The following INPP4B variants were observed in gnomAD, a reference collection of about 807,000 sequenced individuals.
INPP4B encodes inositol polyphosphate-4-phosphatase type II B.
A neutral mutation model predicts 122.5 loss-of-function variants in INPP4B; 55 were observed. The ratio of observed to expected loss-of-function variants is 0.45; its 90% CI spans 0.36 to 0.56. The LOEUF is 0.56. Among genes scored for constraint, INPP4B ranks in the 20% least tolerant of loss-of-function variants. INPP4B has a pLI of 0.00. For missense variants in INPP4B, 1,000 were observed against 1,097.7 expected (o/e 0.91, Z 1.26); for synonymous variants, 403 against 388.7 (o/e 1.04, Z -0.43).
chr4:142,106,614 C>T (rs554842427), intron 23 of INPP4B, among the ~76,000 whole-genome samples: 1 of 152,156 alleles, frequency 6.6e-6, no homozygotes, highest in Non-Finnish European at 1.5e-5. Context: ...AAGTATAGCA[C>T]TGAAAGTCCT....
chr4:142,074,447 G>A (rs1247053907), intron 25 of INPP4B, among the ~76,000 whole-genome samples: 2 of 152,118 alleles, frequency 1.3e-5, no homozygotes, highest in Non-Finnish European at 2.9e-5. Flanking sequence ...ACATGTGCAT[G>A]CCTTGTGGCT....
At chr4:142,779,244 A>T (rs1408870344) in intron 1 of INPP4B, among the ~76,000 whole-genome samples, 2 of 152,034 alleles carry the variant, frequency 1.3e-5, no homozygotes. Context: ...TATTAAATAT[A>T]TATCTTAGAT....
chr4:142,105,729 C>T (rs1436646417), intron 23 of INPP4B, among the ~76,000 whole-genome samples: 4 of 152,140 alleles, frequency 2.6e-5, no homozygotes, highest in African/African-American at 9.7e-5. Context: ...ATAGTCAGCA[C>T]ATCCATAATG....
At chr4:142,687,522 C>A (rs1759514823) in intron 2 of INPP4B, among the ~76,000 whole-genome samples, 2 of 140,554 alleles carry the variant, frequency 1.4e-5, no homozygotes, top group South Asian at 2.2e-4. Context: ...ATAGTGAGGC[C>A]ACTAATTTTT....
At chr4:142,236,657 C>T (rs1856816764) in intron 12 of INPP4B, among the ~76,000 whole-genome samples, 1 of 152,006 alleles carries the variant, frequency 6.6e-6, no homozygotes, top group African/African-American at 2.4e-5. Context: ...GTCTAATTTC[C>T]CTGAAATTGG....
chr4:142,612,184 C>T (rs28758601), intron 2 of INPP4B, among the ~76,000 whole-genome samples: 17,483 of 152,104 alleles, frequency 0.11, 1,065 homozygotes, highest in African/African-American at 0.15. Context: ...TAGGAATAGC[C>T]AAGGAGTTGG....
rs1729763083 is a variant in INPP4B, at chr4:142,558,733, T to C, written c.-190-96007A>G. ...TTAAAGGAAGCCTCAATTCAGAGCT[T>C]GCAGTGAGCAGAGATCACGCCATTG... On this transcript the variant is annotated intron_variant, in intron 2 of 25. Coordinates refer to ENST00000262992, the MANE Select transcript of INPP4B (RefSeq NM_001101669.3). 3.0e-5 allele frequency among the ~76,000 whole-genome samples: 4 copies of C among 133,882 alleles called. No individual in the cohort carries two copies. The South Asian group carries it at 9.7e-4, about 32-fold the overall frequency. The allele number at this position is 133,882 out of a possible 152,430, so 87.8% of individuals were successfully genotyped here. A position where few individuals can be genotyped will look rare whatever the true frequency, so the allele number is the denominator to read the frequency against.
chr4:142,305,575 G>A (rs761437608), intron 8 of INPP4B, 38 bp from the exon 9 acceptor site: 23 of 1,581,638 alleles, frequency 1.5e-5, no homozygotes, highest in Admixed American at 1.3e-4. Flanking sequence ...TTAACTTGAG[G>A]TTCTTTAATA....
chr4:142,417,495 G>GA (rs1051690689), intron 5 of INPP4B, among the ~76,000 whole-genome samples: 2 of 151,604 alleles, frequency 1.3e-5, no homozygotes, highest in African/African-American at 4.8e-5. Flanking sequence ...TAAAATGTGT[G>GA]AAAAAATGTA....
intron 1 of INPP4B, among the ~76,000 whole-genome samples, chr4:142,806,788 A>C (rs982567168): frequency 9.4e-6 from 1 of 105,828 alleles, no homozygotes; most frequent in Non-Finnish European, 2.1e-5. Context: ...AGAAAGAAGG[A>C]AAGAAAGAAA....
chr4:142,553,756 C>G (rs2150087086), intron 2 of INPP4B, among the ~76,000 whole-genome samples: 1 of 152,320 alleles, frequency 6.6e-6, no homozygotes, highest in East Asian at 1.9e-4. Flanking sequence ...GTCCCAACCC[C>G]CAAATAAAAC....
At chr4:142,558,009 T>A (rs1729596372) in intron 2 of INPP4B, among the ~76,000 whole-genome samples, 1 of 152,224 alleles carries the variant, frequency 6.6e-6, no homozygotes, top group African/African-American at 2.4e-5. Flanking sequence ...TATCTAAGGC[T>A]TTACTTCCTT....
At chr4:142,284,341 T>G (rs532075834) in intron 9 of INPP4B, among the ~76,000 whole-genome samples, 1 of 152,234 alleles carries the variant, frequency 6.6e-6, no homozygotes, top group African/African-American at 2.4e-5. Context: ...GCTGGAATAA[T>G]GTTCTCAAAT....
At chr4:142,194,422 CA>C (rs920215805) in intron 14 of INPP4B, among the ~76,000 whole-genome samples, 46 of 152,164 alleles carry the variant, frequency 3.0e-4, no homozygotes, top group African/African-American at 1.0e-3. Context: ...TCAGGGTGTC[CA>C]AGAATGTTTG....
intron 2 of INPP4B, among the ~76,000 whole-genome samples, chr4:142,711,575 A>G (rs181083117): frequency 6.6e-6 from 1 of 152,238 alleles, no homozygotes; most frequent in Non-Finnish European, 1.5e-5. Context: ...CTATTCAGTT[A>G]TCTCTCACTA....
chr4:142,467,868 A>G (rs577761273), intron 2 of INPP4B: 53 of 152,254 alleles, frequency 3.5e-4, no homozygotes, highest in African/African-American at 1.3e-3. Context: ...TCTCTTGGTG[A>G]TAAGTGAGCT....
At chr4:142,742,143 C>T (rs1767992013) in intron 1 of INPP4B, among the ~76,000 whole-genome samples, 1 of 151,880 alleles carries the variant, frequency 6.6e-6, no homozygotes, top group African/African-American at 2.4e-5. Context: ...CCACACTCAC[C>T]CTCCTATTGA....
At chr4:142,617,395 G>A (rs1743946806) in intron 2 of INPP4B, among the ~76,000 whole-genome samples, 1 of 152,086 alleles carries the variant, frequency 6.6e-6, no homozygotes, top group Non-Finnish European at 1.5e-5. Context: ...TTAGGTCACA[G>A]GGATGACAGC....
intron 1 of INPP4B, among the ~76,000 whole-genome samples, chr4:142,741,990 C>T (rs1767967985): frequency 6.6e-6 from 1 of 151,760 alleles, no homozygotes; most frequent in Admixed American, 6.6e-5. Flanking sequence ...CAGAGTTTTC[C>T]AAGCAGAATA....
Sources: allele counts gnomAD v4.1 joint callset (sites outside exome capture counted in the v4.1 genomes callset), GRCh38; gene constraint gnomAD v4.1.1; transcripts MANE v1.5; gene names NCBI Gene and HGNC (gene_info 2026-07-23, HGNC 2026-07-21).